PAX5: variants seen among roughly 807,000 people sequenced by gnomAD.
PAX5 encodes paired box 5, also known as paired box protein Pax-5.
A neutral mutation model predicts 43.7 loss-of-function variants in PAX5; 9 were observed. That is an observed-to-expected ratio of 0.21 (90% CI 0.12 to 0.36). The LOEUF (loss-of-function observed/expected upper bound fraction) is 0.36. Ranked by LOEUF, PAX5 falls within the 10% of genes least tolerant of loss-of-function variation. PAX5 has a pLI of 1.00. For missense variants in PAX5, 383 were observed against 532.7 expected, an observed-to-expected ratio of 0.72 and a Z score of 2.77; for synonymous variants, 228 against 214.3, an observed-to-expected ratio of 1.06 and a Z score of -0.56.
At chr9:37,013,451 C>A (rs941103271) in intron 3 of PAX5, among the ~76,000 whole-genome samples, 1 of 152,176 alleles carries the variant, frequency 6.6e-6, no homozygotes, top group Non-Finnish European at 1.5e-5. Context: ...ACCTGTGGGT[C>A]CCCAAAGCCT....
chr9:36,844,923 T>C (rs991866051), intron 9 of PAX5, among the ~76,000 whole-genome samples: 2 of 152,248 alleles, frequency 1.3e-5, no homozygotes, highest in African/African-American at 4.8e-5. Flanking sequence ...TTTCTCTGCT[T>C]CTTGAATTCC....
intron 8 of PAX5, among the ~76,000 whole-genome samples, chr9:36,848,035 A>G (rs998270654): frequency 6.6e-6 from 1 of 152,146 alleles, no homozygotes; most frequent in Non-Finnish European, 1.5e-5. Context: ...CTGGGTACAG[A>G]GCATGGGAGC....
chr9:36,863,912 C>G (rs1325671693), intron 8 of PAX5, among the ~76,000 whole-genome samples: 1 of 152,184 alleles, frequency 6.6e-6, no homozygotes, highest in Non-Finnish European at 1.5e-5. Flanking sequence ...AGCTCAAGAC[C>G]AGCCTGGCCA....
chr9:36,875,875 C>G (rs1825865609), intron 8 of PAX5, among the ~76,000 whole-genome samples: 1 of 152,218 alleles, frequency 6.6e-6, no homozygotes, highest in Non-Finnish European at 1.5e-5. Flanking sequence ...GAAACAAGCC[C>G]TGCAGACACC....
chr9:36,924,392 TCCCAC>T (rs1452473923), intron 6 of PAX5, among the ~76,000 whole-genome samples: 1 of 152,060 alleles, frequency 6.6e-6, no homozygotes, highest in African/African-American at 2.4e-5. Flanking sequence ...AGTCTCTTCC[TCCCAC>T]CCCACCCCAG....
At chr9:36,956,405 G>T (rs930143099) in intron 6 of PAX5, among the ~76,000 whole-genome samples, 6 of 152,180 alleles carry the variant, frequency 3.9e-5, no homozygotes, top group East Asian at 1.9e-4. Flanking sequence ...ATAAGTGATG[G>T]ATTTCCCATT....
chr9:37,004,296 C>T (rs952408601), intron 4 of PAX5, among the ~76,000 whole-genome samples: 2 of 152,240 alleles, frequency 1.3e-5, no homozygotes, highest in African/African-American at 4.8e-5. Context: ...AGTCCATCAG[C>T]AGGGGCCTCT....
At chr9:36,942,364 C>T (rs768478679) in intron 6 of PAX5, among the ~76,000 whole-genome samples, 1 of 152,264 alleles carries the variant, frequency 6.6e-6, no homozygotes, top group Non-Finnish European at 1.5e-5. Flanking sequence ...AAAGAAAATG[C>T]ATTTCCCTGG....
intron 6 of PAX5, among the ~76,000 whole-genome samples, chr9:36,947,530 A>C (rs1008906654): frequency 1.3e-5 from 2 of 152,008 alleles, no homozygotes; most frequent in Non-Finnish European, 2.9e-5. Flanking sequence ...CCGAGTAGCT[A>C]TCACGCTTGG....
chr9:36,842,843 G>A (rs561865391), intron 9 of PAX5, among the ~76,000 whole-genome samples: 7 of 152,202 alleles, frequency 4.6e-5, no homozygotes, highest in Non-Finnish European at 1.0e-4. Context: ...CCTGGCTGAG[G>A]GACATTCTCC....
intron 6 of PAX5, among the ~76,000 whole-genome samples, chr9:36,952,624 G>C (rs1041407615): frequency 2.0e-5 from 3 of 151,984 alleles, no homozygotes; most frequent in Non-Finnish European, 2.9e-5. Context: ...TCTTCTGTTA[G>C]CATTTCAATT....
chr9:36,863,913 A>T (rs1459500298), intron 8 of PAX5, among the ~76,000 whole-genome samples: 1 of 152,254 alleles, frequency 6.6e-6, no homozygotes, highest in Non-Finnish European at 1.5e-5. Context: ...GCTCAAGACC[A>T]GCCTGGCCAA....
At chr9:36,915,092 A>G (rs1289579902) in intron 7 of PAX5, among the ~76,000 whole-genome samples, 4 of 152,194 alleles carry the variant, frequency 2.6e-5, no homozygotes, top group African/African-American at 4.8e-5. Context: ...TTTATTTACC[A>G]TTATAAATAA....
At chr9:36,881,099 C>T (rs1815916) in intron 8 of PAX5, among the ~76,000 whole-genome samples, 136,853 of 152,290 alleles carry the variant, frequency 0.9, 61,629 homozygotes, top group East Asian at 0.96. Flanking sequence ...TGATGAACAT[C>T]TGAGGTGAAG....
At chr9:36,919,419 A>G (rs1829962680) in intron 7 of PAX5, among the ~76,000 whole-genome samples, 1 of 152,232 alleles carries the variant, frequency 6.6e-6, no homozygotes, top group South Asian at 2.1e-4. Flanking sequence ...TTCAACTTTC[A>G]CGTTGTCTTA....
Position 37,027,652 on chromosome 9 carries a change from A to T in PAX5, c.46+6334T>A, listed in dbSNP as rs534361511. Among the ~76,000 whole-genome samples, 25 of 152,252 alleles carry T rather than the reference A, an allele frequency of 1.6e-4. 1 individual carries two copies. In the South Asian group the frequency reaches 5.2e-3, roughly 32 times the overall value. ...AGCCCTCCGCCTGCTCGGCGCGCAC[A>T]GTGCGCCACCGCGCCGCCCCGGAGC... On this transcript the variant is annotated intron_variant, in intron 1 of 9. Coordinates refer to ENST00000358127, the MANE Select transcript of PAX5 (RefSeq NM_016734.3).
intron 7 of PAX5, among the ~76,000 whole-genome samples, chr9:36,909,847 G>A (rs1284999702): frequency 1.9e-5 from 2 of 105,006 alleles, no homozygotes; most frequent in Non-Finnish European, 3.5e-5. Context: ...TTAGATATAG[G>A]GTTTCGATCC....
chr9:36,929,558 C>G (rs937453382), intron 6 of PAX5, among the ~76,000 whole-genome samples: 18 of 152,340 alleles, frequency 1.2e-4, no homozygotes, highest in African/African-American at 4.1e-4. Context: ...TTTCTGAGCC[C>G]TTGGGGTTCT....
chr9:36,889,227 C>T (rs1338537288), intron 7 of PAX5, among the ~76,000 whole-genome samples: 3 of 152,162 alleles, frequency 2.0e-5, no homozygotes, highest in African/African-American at 7.2e-5. Flanking sequence ...CATGTCTTAA[C>T]CTCATTCAAT....
Sources: allele counts gnomAD v4.1 joint callset (sites outside exome capture counted in the v4.1 genomes callset), GRCh38; gene constraint gnomAD v4.1.1; transcripts MANE v1.5; gene names NCBI Gene and HGNC (gene_info 2026-07-23, HGNC 2026-07-21).